MET: variants seen among roughly 807,000 people sequenced by gnomAD.
MET encodes hepatocyte growth factor receptor.
MET carries 48 observed loss-of-function variants against 133.1 expected under a neutral mutation model. The ratio of observed to expected loss-of-function variants is 0.36; its 90% CI spans 0.29 to 0.46. The LOEUF (loss-of-function observed/expected upper bound fraction) is 0.46. Among genes scored for constraint, MET ranks in the 20% least tolerant of loss-of-function variants. The pLI is 1.00. For synonymous variants in MET, 628 were observed against 616.5 expected (o/e 1.02, Z -0.28); for missense variants, 1,442 against 1,695.9 (o/e 0.85, Z 2.63).
chr7:116,747,204 C>T (rs1282654244), intron 5 of MET, among the ~76,000 whole-genome samples: 1 of 152,118 alleles, frequency 6.6e-6, no homozygotes, highest in African/African-American at 2.4e-5. Flanking sequence ...TTGTAAAGAC[C>T]ATTGACACTG....
intron 2 of MET, among the ~76,000 whole-genome samples, chr7:116,731,030 A>G (rs780236216): frequency 1.3e-5 from 2 of 152,206 alleles, no homozygotes; most frequent in African/African-American, 2.4e-5. Context: ...CAAGCTCTAT[A>G]AGGTAAGTAC....
intron 2 of MET, among the ~76,000 whole-genome samples, chr7:116,717,921 AAGTC>A (rs147193493): frequency 0.014 from 2,071 of 152,322 alleles, 21 homozygotes; most frequent in Non-Finnish European, 0.019. Context: ...CTATATGACT[AAGTC>A]AGGTAAAAAG....
chr7:116,734,320 T>C (rs1793132773), intron 3 of MET, among the ~76,000 whole-genome samples: 2 of 152,240 alleles, frequency 1.3e-5, no homozygotes, highest in African/African-American at 4.8e-5. Flanking sequence ...CAAAGTTGCT[T>C]TGCAAATTTT....
chr7:116,787,161 A>T (rs1442758267), intron 19 of MET, among the ~76,000 whole-genome samples: 1 of 152,126 alleles, frequency 6.6e-6, no homozygotes, highest in African/African-American at 2.4e-5. Context: ...TTTGATCCTG[A>T]AAGATTCTGA....
rs766900241 is a variant in MET at position 116,757,424 on chromosome 7, G to GT, written c.1863-5dup. 5.9e-5 allele frequency: 95 copies of GT among 1,605,434 alleles called. No individual in the cohort carries two copies. The highest frequency in any genetic ancestry group is 7.7e-5 in the South Asian group (7 of 90,864). On this transcript the variant is annotated splice_polypyrimidine_tract_variant and intron_variant, in intron 6 of 20. Transcript: ENST00000397752. ...GGATTTGTCATGTATTAAACTTTGG[G>GT]TTTTTTTTCCAGATTGAAATGCACA...
intron 19 of MET, among the ~76,000 whole-genome samples, chr7:116,793,055 T>A (rs976494549): frequency 1.3e-5 from 2 of 152,216 alleles, no homozygotes; most frequent in Middle Eastern, 3.2e-3. Context: ...ACCTCCTAAC[T>A]GGCCTCCATA....
At chr7:116,680,680 GCTT>G (rs1170327786) in intron 1 of MET, among the ~76,000 whole-genome samples, 1 of 152,130 alleles carries the variant, frequency 6.6e-6, no homozygotes, top group Non-Finnish European at 1.5e-5. Flanking sequence ...AGTGGCTCAC[GCTT>G]GTAATCCCAG....
intron 1 of MET, among the ~76,000 whole-genome samples, chr7:116,695,582 T>C (rs1796933911): frequency 2.0e-5 from 3 of 152,174 alleles, no homozygotes; most frequent in Admixed American, 2.0e-4. Context: ...TCTGTTCTAG[T>C]GCATGCTCCC....
intron 5 of MET, 94 bp from the exon 6 acceptor site, chr7:116,755,261 A>C (rs1433979717): frequency 7.3e-7 from 1 of 1,378,556 alleles, no homozygotes; most frequent in Non-Finnish European, 1.0e-6. Flanking sequence ...ATTTCAGACT[A>C]TTTAAGGATA....
intron 5 of MET, among the ~76,000 whole-genome samples, chr7:116,753,341 A>G (rs761132934): frequency 6.6e-6 from 1 of 152,220 alleles, no homozygotes; most frequent in Non-Finnish European, 1.5e-5. Context: ...ACAATTTACA[A>G]TATGTCCCCA....
At chr7:116,757,560 T>C (rs748447008) in intron 7 of MET, 21 bp downstream of exon 7, 1 of 1,612,994 alleles carries the variant, frequency 6.2e-7, no homozygotes, top group Non-Finnish European at 8.5e-7. Flanking sequence ...TTCTATCCTA[T>C]CATGTTTGAT....
intron 11 of MET, among the ~76,000 whole-genome samples, chr7:116,768,425 T>G (rs1251665860): frequency 6.6e-6 from 1 of 152,220 alleles, no homozygotes; most frequent in East Asian, 1.9e-4. Context: ...CTTAGATTGC[T>G]GAGCTTCTGT....
At position 116,731,737 on chromosome 7, in the gene MET, T is replaced by A; in HGVS notation, c.1270T>A (p.Leu424Met). The change falls in exon 3 of 21, where the codon TTG becomes ATG. Residue 424 changes from leucine to methionine, a missense_variant. Coordinates refer to ENST00000397752, the MANE Select transcript of MET (RefSeq NM_000245.4). Reference sequence around the variant, plus strand: ...ATATCGAACAGAGTTTACCACAGCTTTGCAGCGCGTTGACTTATTCATGGG... The same window carrying A: ...ATATCGAACAGAGTTTACCACAGCTATGCAGCGCGTTGACTTATTCATGGG... The part of the protein sequence containing the change: ...DEYRTEFTTA[L>M]QRVDLFMGQF... The A allele has an allele frequency of 6.2e-7, 1 of 1,614,102 alleles. No homozygotes were observed. Among genetic ancestry groups the A allele is most frequent in the Non-Finnish European group, 8.5e-7 (1 of 1,179,986 alleles).
At chr7:116,759,587 A>C in intron 10 of MET, 97 bp downstream of exon 10, 1 of 1,370,640 alleles carries the variant, frequency 7.3e-7, no homozygotes, top group Non-Finnish European at 1.0e-6. Context: ...TTTCGCCTTT[A>C]AGGTTTGCTA....
chr7:116,730,009 C>T (rs534680121), intron 2 of MET, among the ~76,000 whole-genome samples: 3 of 152,294 alleles, frequency 2.0e-5, no homozygotes, highest in East Asian at 1.9e-4. Context: ...TTATAAATCA[C>T]GCAAGCAAAT....
intron 17 of MET, among the ~76,000 whole-genome samples, chr7:116,780,964 C>A (rs1274000718): frequency 6.6e-6 from 1 of 152,208 alleles, no homozygotes; most frequent in Non-Finnish European, 1.5e-5. Context: ...CTAGCTAATT[C>A]CTGCAAATAG....
chr7:116,775,366 T>C (rs546476613), intron 15 of MET, among the ~76,000 whole-genome samples: 1 of 152,328 alleles, frequency 6.6e-6, no homozygotes, highest in East Asian at 1.9e-4. Flanking sequence ...TCGTCCTGTG[T>C]GTACTAGCAA....
intron 1 of MET, among the ~76,000 whole-genome samples, chr7:116,680,025 A>G (rs752610969): frequency 2.7e-5 from 4 of 150,838 alleles, no homozygotes; most frequent in Admixed American, 2.6e-4. Flanking sequence ...GGTGAAAAGC[A>G]TGCTGTTTTA....
chr7:116,698,913 T>C (rs777843595), intron 1 of MET, among the ~76,000 whole-genome samples, 158 bp from the exon 2 acceptor site: 5 of 152,200 alleles, frequency 3.3e-5, no homozygotes, highest in Non-Finnish European at 5.9e-5. Context: ...AACCGCACAA[T>C]GCATCTTTAT....
Sources: allele counts gnomAD v4.1 joint callset (sites outside exome capture counted in the v4.1 genomes callset), GRCh38; gene constraint gnomAD v4.1.1; transcripts MANE v1.5; gene names NCBI Gene and HGNC (gene_info 2026-07-23, HGNC 2026-07-21).